LAMC2: variants seen among roughly 807,000 people sequenced by gnomAD.
LAMC2 encodes laminin subunit gamma-2.
In LAMC2, 97 loss-of-function variants were observed where a neutral mutation model predicts 140.2. That is an observed-to-expected ratio of 0.69 (90% CI 0.59 to 0.82). The LOEUF (loss-of-function observed/expected upper bound fraction) is 0.82, where lower values mean the gene tolerates loss of function less well. Among genes scored for constraint, LAMC2 ranks in the 40% least tolerant of loss-of-function variants. The pLI, the probability that LAMC2 is intolerant of heterozygous loss-of-function variation, is 0.00. For missense variants in LAMC2, 1,402 were observed against 1,476.1 expected, an observed-to-expected ratio of 0.95 and a Z score of 0.82; for synonymous variants, 513 against 540.2, an observed-to-expected ratio of 0.95 and a Z score of 0.70.
intron 1 of LAMC2, among the ~76,000 whole-genome samples, chr1:183,187,830 G>C (rs1238345886): frequency 6.6e-6 from 1 of 152,154 alleles, no homozygotes; most frequent in Non-Finnish European, 1.5e-5. Flanking sequence ...GTTTCTCAAG[G>C]CCACACAGGC....
intron 1 of LAMC2, among the ~76,000 whole-genome samples, chr1:183,203,701 A>C (rs1023745688): frequency 1.4e-4 from 21 of 152,266 alleles, no homozygotes; most frequent in African/African-American, 4.6e-4. Context: ...CTGGGTGTTT[A>C]ATCTCAGTGC....
At chr1:183,220,164 C>G (rs1659423264) in intron 4 of LAMC2, among the ~76,000 whole-genome samples, 1 of 152,208 alleles carries the variant, frequency 6.6e-6, no homozygotes, top group Non-Finnish European at 1.5e-5. Flanking sequence ...ACTCCAGCAT[C>G]GAGGATGCCC....
rs560459430 is a variant in LAMC2, at chr1:183,235,240, C to A, written c.2301-335C>A. On this transcript the variant is annotated intron_variant, in intron 15 of 22. Coordinates refer to ENST00000264144, the MANE Select transcript of LAMC2 (RefSeq NM_005562.3). ...AGGTTGGATCCTGGGTGAAATAAGA[C>A]CTAGAGGTTTCTTCCTGCAGCAAAC... is the stretch of plus-strand genomic sequence containing the variant. Among the ~76,000 whole-genome samples the A allele has an allele frequency of 2.6e-5, 4 of 152,178 alleles. No homozygotes were observed. In the East Asian group the frequency reaches 7.7e-4, roughly 29 times the overall value.
Position 183,222,230 on chromosome 1 carries a change from C to A in LAMC2, c.763+19C>A, listed in dbSNP as rs762246921. On this transcript the variant is annotated intron_variant, in intron 6 of 22. Transcript: ENST00000264144. The stretch of plus-strand genomic sequence containing the variant: ...GCTCCTGGTATGTGAGGAATAATGT[C>A]TCCTATAGAGGCCAGCTTATAGGAC... 30 of 1,612,962 alleles carry A rather than the reference C, an allele frequency of 1.9e-5. No homozygotes were observed. Among genetic ancestry groups the A allele is most frequent in the African/African-American group, 4.0e-5 (3 of 74,868 alleles).
rs1485226085 is a variant in LAMC2, at chr1:183,232,180, G to A, written c.1858-7G>A. 7 of 1,613,414 alleles carry A rather than the reference G, an allele frequency of 4.3e-6. No homozygotes were observed. Among genetic ancestry groups the A allele is most frequent in the African/African-American group, 1.3e-5 (1 of 74,884 alleles). The stretch of plus-strand genomic sequence containing the variant: ...CCCTCGTTCTGATCTTTCCTGTGTG[G>A]TTTCAGATGGATCAGTTTATGCAGC... On this transcript the variant is annotated splice_region_variant and splice_polypyrimidine_tract_variant and intron_variant, in intron 12 of 22. Coordinates refer to ENST00000264144, the MANE Select transcript of LAMC2 (RefSeq NM_005562.3).
At chr1:183,248,374 T>G (rs2102263862), downstream of LAMC2, 1 of 152,792 alleles carries the variant, frequency 6.5e-6, no homozygotes, top group African/African-American at 2.4e-5. Flanking sequence ...TCATTTTTTA[T>G]TAATGAATTG....
chr1:183,224,937 C>T (rs1351531670), intron 7 of LAMC2, among the ~76,000 whole-genome samples: 1 of 152,206 alleles, frequency 6.6e-6, no homozygotes, highest in Non-Finnish European at 1.5e-5. Flanking sequence ...GTGATCATCT[C>T]TCCCTGTTGT....
intron 10 of LAMC2, among the ~76,000 whole-genome samples, 190 bp downstream of exon 10, chr1:183,227,887 CA>C (rs1452244318): frequency 6.6e-6 from 1 of 152,100 alleles, no homozygotes; most frequent in African/African-American, 2.4e-5. Context: ...GTGGATTAAG[CA>C]AGAGCAGAGT....
chr1:183,239,435 CAGA>C lies in LAMC2; in HGVS notation c.2944_2946del (p.Lys982del), dbSNP rs1553267617. The stretch of plus-strand genomic sequence containing the variant: ...CATGAAGAGACTCTCCTACATCAGC[CAGA>C]AGGTTTCAGATGCCAGTGACAAGAC... On this transcript the variant is annotated inframe_deletion, in exon 20 of 23. Coordinates refer to ENST00000264144, the MANE Select transcript of LAMC2 (RefSeq NM_005562.3). 1 of 1,614,164 alleles carries C rather than the reference CAGA, an allele frequency of 6.2e-7. No homozygotes were observed.
intron 1 of LAMC2, among the ~76,000 whole-genome samples, chr1:183,195,941 T>A (rs11576068): frequency 3.3e-5 from 5 of 152,166 alleles, no homozygotes; most frequent in African/African-American, 4.8e-5. Context: ...CATCATCACA[T>A]GTAAATATAA....
intron 1 of LAMC2, among the ~76,000 whole-genome samples, chr1:183,195,916 C>T (rs763974711): frequency 4.6e-5 from 7 of 152,000 alleles, no homozygotes; most frequent in Non-Finnish European, 8.8e-5. Flanking sequence ...CTAGAAAAGT[C>T]CTTATAAGCA....
At chr1:183,248,696 C>A (rs201208219), downstream of LAMC2, 13 of 152,324 alleles carry the variant, frequency 8.5e-5, no homozygotes, top group Non-Finnish European at 1.5e-4. Context: ...CAATGCTATT[C>A]CTAAGGTGTC....
At chr1:183,205,802 G>GGTGT (rs3064949) in intron 1 of LAMC2, among the ~76,000 whole-genome samples, 214 of 150,778 alleles carry the variant, frequency 1.4e-3, no homozygotes, top group Non-Finnish European at 2.6e-3. Context: ...AGAGAGTAGG[G>GGTGT]GTGTGTGTGT....
In LAMC2 at chr1:183,228,316, C is replaced by T. The variant is rs947806840; in HGVS notation, c.1469-58C>T. 1.7e-5 allele frequency: 28 copies of T among 1,612,190 alleles called. No homozygotes were observed. Among genetic ancestry groups the T allele is most frequent in the African/African-American group, 1.3e-4 (10 of 74,906 alleles). ...GGTGACTCGCAACTTTAGGCCTCTG[C>T]GTCTGGTCTTCCTCCTGATGGATGT... On this transcript the variant is annotated intron_variant, in intron 10 of 22. Coordinates refer to ENST00000264144, the MANE Select transcript of LAMC2 (RefSeq NM_005562.3). This position sits in a 1 kb window ranked among gnomAD's most constrained non-coding sequence, Gnocchi z 4.3.
chr1:183,252,646 C>T, the LAMC2 span: 5 of 1,612,054 alleles, frequency 3.1e-6, no homozygotes, highest in East Asian at 2.2e-5. Flanking sequence ...GGCTGCTAGC[C>T]GGAGGCATTG....
chr1:183,201,156 C>T (rs1658694275), intron 1 of LAMC2, among the ~76,000 whole-genome samples: 1 of 152,018 alleles, frequency 6.6e-6, no homozygotes, highest in Admixed American at 6.6e-5. Context: ...AAGAAGTGTC[C>T]CTGGCTTTGT....
the LAMC2 span, chr1:183,252,279 C>T: frequency 4.2e-6 from 1 of 237,892 alleles, no homozygotes; most frequent in South Asian, 6.7e-5. Context: ...CTAGAGCATG[C>T]TGGGAGGATG....
chr1:183,220,968 C>G lies in LAMC2; in HGVS notation c.640+7C>G. ...ACCTCTACCTTTCATCAAGGTAAAG[C>G]CTTCTATTTTCTAGGTTTTAGTTTT... On this transcript the variant is annotated splice_region_variant and intron_variant, in intron 5 of 22. Transcript: ENST00000264144. The G allele has an allele frequency of 6.2e-7, 1 of 1,613,662 alleles. No homozygotes were observed. The highest frequency in any genetic ancestry group is 1.7e-5 in the Admixed American group (1 of 60,016).
At chr1:183,252,328 G>A in the LAMC2 span, 3 of 333,048 alleles carry the variant, frequency 9.0e-6, no homozygotes, top group Non-Finnish European at 1.7e-5. Flanking sequence ...CTGGGAGGAT[G>A]GGCACCAGAG....
Sources: allele counts gnomAD v4.1 joint callset (sites outside exome capture counted in the v4.1 genomes callset), GRCh38; gene constraint gnomAD v4.1.1; non-coding constraint Gnocchi (gnomAD v3.1); transcripts MANE v1.5; gene names NCBI Gene and HGNC (gene_info 2026-07-23, HGNC 2026-07-21).